MYO16: variants seen among roughly 807,000 people sequenced by gnomAD.
MYO16 encodes the protein unconventional myosin-XVI.
Under a neutral mutation model 205.3 loss-of-function variants are expected in MYO16, and 94 were observed. The observed-to-expected ratio is 0.46, with a 90% confidence interval of 0.39 to 0.54. MYO16 has a LOEUF of 0.54. Among genes scored for constraint, MYO16 ranks in the 20% least tolerant of loss-of-function variants. The pLI is 0.00. For synonymous variants in MYO16, 988 were observed against 954.0 expected, an observed-to-expected ratio of 1.04 and a Z score of -0.66; for missense variants, 2,315 against 2,387.5, an observed-to-expected ratio of 0.97 and a Z score of 0.63.
chr13:108,734,391 G>T (rs1884623921), intron 4 of MYO16, among the ~76,000 whole-genome samples: 1 of 152,078 alleles, frequency 6.6e-6, no homozygotes, highest in Non-Finnish European at 1.5e-5. Flanking sequence ...CACAATTTCA[G>T]CAAGATGCTT....
chr13:108,825,471 G>A (rs113295746), intron 9 of MYO16, among the ~76,000 whole-genome samples: 1 of 151,868 alleles, frequency 6.6e-6, no homozygotes, highest in Non-Finnish European at 1.5e-5. Context: ...CATACTCAAT[G>A]GTGACTGATC....
At chr13:108,882,580 C>T (rs1325345987) in intron 12 of MYO16, among the ~76,000 whole-genome samples, 1 of 152,140 alleles carries the variant, frequency 6.6e-6, no homozygotes, top group Non-Finnish European at 1.5e-5. Flanking sequence ...AATTATAAAT[C>T]ACCGTTTCTC....
At chr13:109,059,025 G>A (rs1472251632) in intron 27 of MYO16, among the ~76,000 whole-genome samples, 2 of 152,106 alleles carry the variant, frequency 1.3e-5, no homozygotes, top group Non-Finnish European at 1.5e-5. Flanking sequence ...TGAGGTTGCC[G>A]CAGTTCAGTC....
At chr13:109,002,201 G>C (rs1227177076) in intron 21 of MYO16, among the ~76,000 whole-genome samples, 1 of 152,178 alleles carries the variant, frequency 6.6e-6, no homozygotes, top group African/African-American at 2.4e-5. Context: ...GTGCAGATAG[G>C]CTTGAGAGTC....
intron 23 of MYO16, among the ~76,000 whole-genome samples, chr13:109,027,071 C>G (rs1886385714): frequency 6.6e-6 from 1 of 152,098 alleles, no homozygotes. Context: ...GATAGAAGTT[C>G]AAAGTCAAGT....
At chr13:108,580,388 A>C in the MYO16 span, among the ~76,000 whole-genome samples, 1 of 152,214 alleles carries the variant, frequency 6.6e-6, no homozygotes, top group African/African-American at 2.4e-5. Context: ...TACCAACCTC[A>C]AACATCTAAA....
the MYO16 span, among the ~76,000 whole-genome samples, chr13:108,581,359 A>G: frequency 6.6e-6 from 1 of 152,226 alleles, no homozygotes; most frequent in Non-Finnish European, 1.5e-5. Context: ...CCCAGATGAT[A>G]TAGACATATA....
intron 6 of MYO16, among the ~76,000 whole-genome samples, chr13:108,797,785 C>T (rs1886836590): frequency 1.3e-5 from 2 of 152,250 alleles, no homozygotes; most frequent in South Asian, 2.1e-4. Context: ...ATTACAACTT[C>T]ATAGTTCTTT....
intron 1 of MYO16, among the ~76,000 whole-genome samples, chr13:108,657,337 A>C (rs973220431): frequency 1.3e-5 from 2 of 152,214 alleles, no homozygotes; most frequent in Non-Finnish European, 2.9e-5. Context: ...GAAATGTCGA[A>C]GAGAGAAGGT....
At chr13:109,019,282 C>T (rs1885940330) in intron 22 of MYO16, among the ~76,000 whole-genome samples, 1 of 152,120 alleles carries the variant, frequency 6.6e-6, no homozygotes, top group Non-Finnish European at 1.5e-5. Flanking sequence ...CCAGCTTTGC[C>T]ATAATTTTTA....
chr13:108,815,067 G>A (rs1385069597), intron 7 of MYO16, among the ~76,000 whole-genome samples: 1 of 152,100 alleles, frequency 6.6e-6, no homozygotes, highest in Non-Finnish European at 1.5e-5. Context: ...AGTGTTACAA[G>A]CATAACATAG....
intron 32 of MYO16, among the ~76,000 whole-genome samples, chr13:109,158,838 T>G (rs1878212412): frequency 6.6e-6 from 1 of 152,222 alleles, no homozygotes; most frequent in Non-Finnish European, 1.5e-5. Flanking sequence ...TTACAAATGT[T>G]AACTGTTTGT....
In MYO16 at chr13:108,898,036, C is replaced by T. The variant is rs527533567; in HGVS notation, c.1680C>T (p.Ala560=). The T allele has an allele frequency of 1.1e-5, 18 of 1,613,772 alleles. No homozygotes were observed. In the East Asian group the frequency reaches 1.8e-4, roughly 16 times the overall value. The change falls in exon 15 of 35, where the codon GCC becomes GCT. Residue 560 remains alanine (A), a synonymous_variant. Transcript: ENST00000457511. ...RFKHVVCILE[A]FGHAKTTLND... is the part of the protein sequence containing the mutation. Reference sequence around the variant, plus strand: ...CACAGGTCGTGTGCATCTTAGAAGCCTTTGGACATGCCAAGACCACACTTA... The same window carrying T: ...CACAGGTCGTGTGCATCTTAGAAGCTTTTGGACATGCCAAGACCACACTTA...
At chr13:108,679,155 C>T (rs993400898) in intron 2 of MYO16, among the ~76,000 whole-genome samples, 2 of 152,140 alleles carry the variant, frequency 1.3e-5, no homozygotes, top group Admixed American at 1.3e-4. Flanking sequence ...CTAGCCTGCT[C>T]CTGCCTTGGG....
At chr13:109,064,740 C>T (rs916378073) in intron 27 of MYO16, among the ~76,000 whole-genome samples, 1 of 152,108 alleles carries the variant, frequency 6.6e-6, no homozygotes, top group African/African-American at 2.4e-5. Context: ...TGAAGTGTGG[C>T]CTGTGTCATT....
At chr13:108,581,898 A>T in the MYO16 span, among the ~76,000 whole-genome samples, 1 of 151,654 alleles carries the variant, frequency 6.6e-6, no homozygotes, top group Non-Finnish European at 1.5e-5. Context: ...AAAAAGAAAA[A>T]AAAAAAAGAA....
At chr13:108,654,836 GT>G (rs1881171166) in intron 1 of MYO16, among the ~76,000 whole-genome samples, 1 of 152,180 alleles carries the variant, frequency 6.6e-6, no homozygotes. Context: ...AAAGAGAATG[GT>G]GGCATTTTGC....
chr13:108,953,018 C>G (rs1017217619), intron 16 of MYO16, among the ~76,000 whole-genome samples: 18 of 152,036 alleles, frequency 1.2e-4, no homozygotes, highest in African/African-American at 4.1e-4. Context: ...ATCTGTGGAG[C>G]TGAAGCGAGT....
At chr13:108,695,555 C>CA (rs201525503) in intron 2 of MYO16, among the ~76,000 whole-genome samples, 39,618 of 144,360 alleles carry the variant, frequency 0.27, 5,740 homozygotes, top group East Asian at 0.52. Context: ...TTAATTTCTG[C>CA]AAAAAAAAAA....
Sources: allele counts gnomAD v4.1 joint callset (sites outside exome capture counted in the v4.1 genomes callset), GRCh38; gene constraint gnomAD v4.1.1; transcripts MANE v1.5; gene names NCBI Gene and HGNC (gene_info 2026-07-23, HGNC 2026-07-21).